Variants in RPTOR observed in about 807,000 individuals in gnomAD.
The protein encoded by RPTOR is regulatory-associated protein of mTOR.
In RPTOR, 21 loss-of-function variants were observed where a neutral mutation model predicts 169.9. The ratio of observed to expected loss-of-function variants is 0.12; its 90% CI spans 0.09 to 0.18. The LOEUF (loss-of-function observed/expected upper bound fraction) is 0.18. Among genes scored for constraint, RPTOR ranks in the 10% least tolerant of loss-of-function variants. The probability of loss-of-function intolerance (pLI) is 1.00; values close to 1 mark genes in which losing one functional copy is unlikely to be tolerated. For missense variants in RPTOR, 1,133 were observed against 1,855.9 expected, an observed-to-expected ratio of 0.61 and a Z score of 7.16; for synonymous variants, 732 against 753.2, an observed-to-expected ratio of 0.97 and a Z score of 0.46.
rs2067385424 is a variant in RPTOR at position 80,822,091 on chromosome 17, C to G, written c.891-110C>G. Reference sequence around the variant, plus strand: ...CCAAGCTTCTGCTCAGAGCCTTCCTCCCTCGCTCAGAGCCTTTCGCCGCCC... The same window carrying G: ...CCAAGCTTCTGCTCAGAGCCTTCCTGCCTCGCTCAGAGCCTTTCGCCGCCC... On this transcript the variant is annotated intron_variant, in intron 7 of 33. Coordinates refer to ENST00000306801, the MANE Select transcript of RPTOR (RefSeq NM_020761.3). 9 of 929,680 alleles carry G rather than the reference C, an allele frequency of 9.7e-6. No homozygotes were observed. In the South Asian group the frequency reaches 1.2e-4, roughly 12 times the overall value. 57.6% of individuals were successfully genotyped at this position (929,680 alleles called of 1,614,324 possible).
In RPTOR at chr17:80,685,650, T is replaced by TATTTTTA. The variant is rs557666597; in HGVS notation, c.349-22191_349-22190insATTTTTA. ...ATATTTTTTTTTTTTTTTTTTTTTT[T>TATTTTTA]TTTTTTTGCTGTGAATTATCTGACA... On this transcript the variant is annotated intron_variant, in intron 3 of 33. Coordinates refer to ENST00000306801, the MANE Select transcript of RPTOR (RefSeq NM_020761.3). Among the ~76,000 whole-genome samples the TATTTTTA allele has an allele frequency of 1.7e-3, 162 of 93,224 alleles. 10 individuals carry two copies. Among genetic ancestry groups the TATTTTTA allele is most frequent in the East Asian group, 0.017 (44 of 2,590 alleles). The allele number at this position is 93,224 out of a possible 152,430, so 61.2% of individuals were successfully genotyped here.
chr17:80,849,145 G>A (rs1424419737), intron 11 of RPTOR, among the ~76,000 whole-genome samples: 6 of 152,196 alleles, frequency 3.9e-5, no homozygotes, highest in Admixed American at 6.5e-5. Context: ...TCACTTCCCC[G>A]CGCTTTCTCT....
chr17:80,857,431 G>A (rs1365193534), intron 12 of RPTOR, among the ~76,000 whole-genome samples: 2 of 152,348 alleles, frequency 1.3e-5, no homozygotes, highest in African/African-American at 2.4e-5. Flanking sequence ...TGGCTCGTAC[G>A]TGAGCAACAC....
chr17:80,624,754 A>G (rs1300202394), intron 1 of RPTOR, among the ~76,000 whole-genome samples: 1 of 152,236 alleles, frequency 6.6e-6, no homozygotes, highest in Non-Finnish European at 1.5e-5. Context: ...TAAAGGGTCA[A>G]TGTAAAACAG....
chr17:80,840,047 G>A (rs1425459330), intron 10 of RPTOR, among the ~76,000 whole-genome samples: 1 of 152,154 alleles, frequency 6.6e-6, no homozygotes, highest in Admixed American at 6.5e-5. Flanking sequence ...CTTACATATA[G>A]AAAAGTGTAC....
intron 6 of RPTOR, among the ~76,000 whole-genome samples, chr17:80,764,165 A>G (rs2066763371): frequency 9.6e-6 from 1 of 103,628 alleles, no homozygotes; most frequent in Non-Finnish European, 2.1e-5. Flanking sequence ...ATTTTATTTT[A>G]TTTTATTTTA....
At chr17:80,840,608 TCTCACCACACCACAGCTCACTC>T (rs2067624643) in intron 10 of RPTOR, among the ~76,000 whole-genome samples, 1 of 37,662 alleles carries the variant, frequency 2.7e-5, no homozygotes, top group Admixed American at 4.0e-4. Flanking sequence ...GGCAGCTCAC[TCTCACCACACCACAGCTCACTC>T]TCACCGCACG....
intron 13 of RPTOR, among the ~76,000 whole-genome samples, chr17:80,862,019 C>G (rs748019017): frequency 1.2e-4 from 18 of 152,180 alleles, no homozygotes; most frequent in Non-Finnish European, 2.6e-4. Context: ...CAGAACGTGG[C>G]CATGAGCACG....
intron 1 of RPTOR, among the ~76,000 whole-genome samples, chr17:80,585,197 TTATTA>T (rs2065049203): frequency 2.0e-5 from 3 of 147,726 alleles, no homozygotes; most frequent in South Asian, 2.1e-4. Context: ...ATTATTATTA[TTATTA>T]TTTTTGTTTT....
At chr17:80,634,256 G>C (rs572468507) in intron 2 of RPTOR, among the ~76,000 whole-genome samples, 2 of 125,074 alleles carry the variant, frequency 1.6e-5, no homozygotes, top group Non-Finnish European at 3.1e-5. Flanking sequence ...TACTGTATGC[G>C]TGCATACCGT....
chr17:80,744,283 GCACTGTCCTGGCTACT>G (rs1267809007), intron 5 of RPTOR, among the ~76,000 whole-genome samples: 22 of 119,298 alleles, frequency 1.8e-4, no homozygotes, highest in South Asian at 2.5e-4. Flanking sequence ...CTGGTTACTA[GCACTGTCCTGGCTACT>G]AGCACAGCCC....
Position 80,965,002 on chromosome 17 carries a change from C to T in RPTOR, c.*672C>T, listed in dbSNP as rs908566165. 24 of 233,522 alleles carry T rather than the reference C, an allele frequency of 1.0e-4. No homozygotes were observed. The South Asian group carries it at 3.8e-3, about 37-fold the overall frequency. The allele number at this position is 233,522 out of a possible 1,614,324, so 14.5% of individuals were successfully genotyped here. A position where few individuals can be genotyped will look rare whatever the true frequency, so the allele number is the denominator to read the frequency against. ...GCAGGAAGCGCACAGCCCACCCTCCCCGCACCTCCAGGTCTCTGGACTCCA... is the reference window on the plus strand; with the variant it reads ...GCAGGAAGCGCACAGCCCACCCTCCTCGCACCTCCAGGTCTCTGGACTCCA... On this transcript the variant is annotated 3_prime_UTR_variant, in exon 34 of 34. Transcript: ENST00000306801.
At chr17:80,951,316 T>C (rs1322678852) in intron 28 of RPTOR, among the ~76,000 whole-genome samples, 1 of 152,222 alleles carries the variant, frequency 6.6e-6, no homozygotes, top group Non-Finnish European at 1.5e-5. Context: ...CGGGTCAGGA[T>C]GGCAGTGCCC....
At chr17:80,757,474 A>G (rs1274840550) in intron 6 of RPTOR, among the ~76,000 whole-genome samples, 1 of 151,992 alleles carries the variant, frequency 6.6e-6, no homozygotes, top group Non-Finnish European at 1.5e-5. Context: ...CAGTGTGCCT[A>G]CCTCTATTTC....
At chr17:80,896,969 A>C (rs1171252174) in intron 20 of RPTOR, among the ~76,000 whole-genome samples, 1 of 152,242 alleles carries the variant, frequency 6.6e-6, no homozygotes, top group Non-Finnish European at 1.5e-5. Flanking sequence ...AAAAAGAAAG[A>C]ATGCCAGTGG....
intron 16 of RPTOR, among the ~76,000 whole-genome samples, chr17:80,884,378 G>T (rs2068218921): frequency 6.6e-6 from 1 of 152,236 alleles, no homozygotes; most frequent in East Asian, 1.9e-4. Flanking sequence ...ACTGCCCACA[G>T]AGTGGCCGCG....
chr17:80,803,961 G>A lies in RPTOR; in HGVS notation c.890+12452G>A, dbSNP rs2067190483. ...GCCCCACAGCCTCTGAGCCAGGCAC[G>A]AGCTTGGGCTGTGTGGCAAGGGCCT... On this transcript the variant is annotated intron_variant, in intron 7 of 33. Transcript: ENST00000306801. The surrounding 1 kb of genome is among the most constrained non-coding windows in gnomAD (Gnocchi z 6.2). Among the ~76,000 whole-genome samples, 2 of 152,324 alleles carry A rather than the reference G, an allele frequency of 1.3e-5. No homozygotes were observed. The highest frequency in any genetic ancestry group is 2.1e-4 in the South Asian group (1 of 4,830).
In RPTOR at chr17:80,940,692, G is replaced by A. The variant is rs7224578; in HGVS notation, c.3025+91G>A. 5.6e-3 allele frequency: 5,731 copies of A among 1,030,788 alleles called. 200 individuals carry two copies. The African/African-American group carries it at 0.082, about 15-fold the overall frequency. 63.9% of individuals were successfully genotyped at this position (1,030,788 alleles called of 1,614,324 possible). On this transcript the variant is annotated intron_variant, in intron 25 of 33. Transcript: ENST00000306801. The stretch of plus-strand genomic sequence containing the variant: ...TGTGAGCAGGCCCCCCGCGGCCCAC[G>A]CACAACCTTCTCCAGCCATCCACTG...
chr17:80,834,862 C>G (rs1001049925), intron 9 of RPTOR, among the ~76,000 whole-genome samples: 2 of 152,260 alleles, frequency 1.3e-5, no homozygotes, highest in Admixed American at 1.3e-4. Flanking sequence ...CCCGGACACC[C>G]TCTCTGCCCT....
Sources: gnomAD v4.1 joint callset for allele counts (sites outside exome capture counted in the v4.1 genomes callset) on GRCh38, gnomAD v4.1.1 for gene constraint, Gnocchi (gnomAD v3.1) non-coding constraint, MANE v1.5 for transcripts, NCBI Gene and HGNC (gene_info 2026-07-23, HGNC 2026-07-21) for gene names.